Variants in CCSER1 observed in about 807,000 individuals in gnomAD.
The protein encoded by CCSER1 is serine-rich coiled-coil domain-containing protein 1.
In CCSER1, 41 loss-of-function variants were observed where a neutral mutation model predicts 82.0. The observed-to-expected ratio is 0.50, with a 90% CI of 0.39 to 0.65. The LOEUF (loss-of-function observed/expected upper bound fraction) is 0.65, where lower values mean the gene tolerates loss of function less well. Ranked by LOEUF, CCSER1 falls within the 30% of genes least tolerant of loss-of-function variation. CCSER1 has a pLI of 0.00. For synonymous variants in CCSER1, 414 were observed against 383.9 expected, an observed-to-expected ratio of 1.08 and a Z score of -0.92; for missense variants, 1,119 against 1,064.2, an observed-to-expected ratio of 1.05 and a Z score of -0.72.
chr4:90,704,076 C>G (rs1450077709), intron 6 of CCSER1, among the ~76,000 whole-genome samples: 14 of 152,172 alleles, frequency 9.2e-5, no homozygotes, highest in Admixed American at 8.5e-4. Flanking sequence ...CATCGATGGT[C>G]TTTACCATTT....
At chr4:90,597,373 A>C (rs867708193) in intron 5 of CCSER1, among the ~76,000 whole-genome samples, 1 of 152,032 alleles carries the variant, frequency 6.6e-6, no homozygotes, top group African/African-American at 2.4e-5. Context: ...TAGAGGTTAC[A>C]TATTGCTTTT....
chr4:91,293,774 C>T (rs559997922), intron 10 of CCSER1, among the ~76,000 whole-genome samples: 10 of 151,656 alleles, frequency 6.6e-5, no homozygotes, highest in African/African-American at 2.2e-4. Context: ...GTTCTCATGT[C>T]AAGGAATAGC....
At chr4:91,524,721 G>A (rs1438316598) in intron 10 of CCSER1, among the ~76,000 whole-genome samples, 1 of 152,108 alleles carries the variant, frequency 6.6e-6, no homozygotes, top group Non-Finnish European at 1.5e-5. Flanking sequence ...TTAGCCAAGA[G>A]TGATTACACC....
intron 1 of CCSER1, among the ~76,000 whole-genome samples, chr4:90,246,765 A>C (rs1278231801): frequency 6.6e-6 from 1 of 152,174 alleles, no homozygotes; most frequent in Non-Finnish European, 1.5e-5. Flanking sequence ...AAAATAGAAC[A>C]ATTATAACAT....
chr4:90,215,474 G>A (rs1171238167), intron 1 of CCSER1, among the ~76,000 whole-genome samples: 1 of 152,108 alleles, frequency 6.6e-6, no homozygotes, highest in East Asian at 1.9e-4. Flanking sequence ...AGTTTAATGA[G>A]GGGTGAGTAA....
At chr4:91,049,576 C>T (rs1356119293) in intron 9 of CCSER1, among the ~76,000 whole-genome samples, 1 of 152,056 alleles carries the variant, frequency 6.6e-6, no homozygotes, top group Non-Finnish European at 1.5e-5. Context: ...AAGAGCTAAA[C>T]AAAATAAAGA....
intron 10 of CCSER1, among the ~76,000 whole-genome samples, chr4:91,550,279 A>G (rs1762098350): frequency 1.3e-5 from 2 of 152,108 alleles, no homozygotes; most frequent in South Asian, 4.1e-4. Context: ...TGCAGGTAAA[A>G]CACAAAATTG....
intron 1 of CCSER1, among the ~76,000 whole-genome samples, chr4:90,290,656 A>T (rs1300008449): frequency 6.6e-6 from 1 of 151,782 alleles, no homozygotes; most frequent in Non-Finnish European, 1.5e-5. Context: ...TTTTTGTTGA[A>T]ATTGTTGCTA....
chr4:91,567,433 G>GT (rs2110272668), intron 10 of CCSER1, among the ~76,000 whole-genome samples: 1 of 150,702 alleles, frequency 6.6e-6, no homozygotes, highest in African/African-American at 2.4e-5. Flanking sequence ...TCTTGAATAT[G>GT]TTTATTAAAT....
chr4:91,230,494 G>C (rs1051948795), intron 10 of CCSER1, among the ~76,000 whole-genome samples: 2 of 152,014 alleles, frequency 1.3e-5, no homozygotes, highest in Non-Finnish European at 2.9e-5. Context: ...GAATAGGATA[G>C]TTGGAAATAA....
chr4:91,478,307 ATTATT>A (rs1252198468), intron 10 of CCSER1, among the ~76,000 whole-genome samples: 3 of 151,910 alleles, frequency 2.0e-5, no homozygotes, highest in Non-Finnish European at 1.5e-5. Flanking sequence ...CTACAAGTAA[ATTATT>A]TTATTTTCAA....
chr4:90,765,335 A>T (rs1272819830), intron 7 of CCSER1, among the ~76,000 whole-genome samples: 1 of 152,146 alleles, frequency 6.6e-6, no homozygotes, highest in Non-Finnish European at 1.5e-5. Context: ...CGATGCATAT[A>T]TATGCAGATT....
At chr4:91,550,147 G>C (rs1560756155) in intron 10 of CCSER1, among the ~76,000 whole-genome samples, 1 of 152,162 alleles carries the variant, frequency 6.6e-6, no homozygotes, top group Non-Finnish European at 1.5e-5. Context: ...TTTCTCCCAA[G>C]GGAAGGACTT....
rs1211659595 is a variant in CCSER1, at chr4:90,933,018, AAG to A, written c.2172+9573_2172+9574del. ...AAAGAAAGAAAGAAAGAAAGAAAGA[AAG>A]AAAGAAAGAAAGAAAGAAAGAAAGA... is the stretch of plus-strand genomic sequence containing the variant. On this transcript the variant is annotated intron_variant, in intron 9 of 10. Coordinates refer to ENST00000509176, the MANE Select transcript of CCSER1 (RefSeq NM_001145065.2). Among the ~76,000 whole-genome samples, 11 of 88,288 alleles carry A rather than the reference AAG, an allele frequency of 1.2e-4. 4 individuals carry two copies. Among genetic ancestry groups the A allele is most frequent in the Non-Finnish European group, 1.8e-4 (9 of 49,126 alleles). The allele number at this position is 88,288 out of a possible 152,430, so 57.9% of individuals were successfully genotyped here.
intron 10 of CCSER1, among the ~76,000 whole-genome samples, chr4:91,232,579 G>A (rs1266533929): frequency 6.6e-6 from 1 of 151,542 alleles, no homozygotes; most frequent in Admixed American, 6.6e-5. Flanking sequence ...CTGGAGAACA[G>A]GAATAGGAAA....
At chr4:90,866,248 G>A (rs1308948754) in intron 8 of CCSER1, among the ~76,000 whole-genome samples, 1 of 151,796 alleles carries the variant, frequency 6.6e-6, no homozygotes, top group East Asian at 1.9e-4. Flanking sequence ...ACAAAACTAT[G>A]GAAAATTAGA....
At chr4:90,971,515 A>T (rs2150399788) in intron 9 of CCSER1, among the ~76,000 whole-genome samples, 1 of 152,110 alleles carries the variant, frequency 6.6e-6, no homozygotes, top group Non-Finnish European at 1.5e-5. Flanking sequence ...TTGAATCAAT[A>T]ATCCAAAGCC....
At chr4:91,197,855 C>T (rs1441404748) in intron 10 of CCSER1, among the ~76,000 whole-genome samples, 1 of 151,952 alleles carries the variant, frequency 6.6e-6, no homozygotes, top group African/African-American at 2.4e-5. Flanking sequence ...TGACTTTTCT[C>T]CTAGCTTGTA....
chr4:90,980,396 G>C (rs1043675067), intron 9 of CCSER1, among the ~76,000 whole-genome samples: 4 of 151,848 alleles, frequency 2.6e-5, no homozygotes, highest in Non-Finnish European at 5.9e-5. Flanking sequence ...ATCTAAGGTC[G>C]TGTGAGTACA....
Sources: gnomAD v4.1 joint callset for allele counts (sites outside exome capture counted in the v4.1 genomes callset) on GRCh38, gnomAD v4.1.1 for gene constraint, MANE v1.5 for transcripts, NCBI Gene and HGNC (gene_info 2026-07-23, HGNC 2026-07-21) for gene names.